Variants in CREBBP observed in about 807,000 individuals in gnomAD.
CREBBP encodes the protein CREB-binding protein.
In CREBBP, 19 loss-of-function variants were observed where a neutral mutation model predicts 265.0. That is an observed-to-expected ratio of 0.07 (90% CI 0.05 to 0.11). The LOEUF is 0.11. CREBBP is among the 10% of genes least tolerant of loss of function. CREBBP has a pLI of 1.00. For synonymous variants in CREBBP, 1,457 were observed against 1,223.7 expected, an observed-to-expected ratio of 1.19 and a Z score of -3.98; for missense variants, 2,525 against 3,219.0, an observed-to-expected ratio of 0.78 and a Z score of 5.22.
intron 1 of CREBBP, among the ~76,000 whole-genome samples, chr16:3,860,631 T>C (rs1200522957): frequency 6.6e-6 from 1 of 152,194 alleles, no homozygotes; most frequent in African/African-American, 2.4e-5. Flanking sequence ...ATGTTGTATA[T>C]GATAAATACA....
At chr16:3,859,480 C>T (rs774556673) in intron 1 of CREBBP, among the ~76,000 whole-genome samples, 2 of 152,182 alleles carry the variant, frequency 1.3e-5, no homozygotes, top group Non-Finnish European at 2.9e-5. Flanking sequence ...AGGTGTGAGC[C>T]ACCACACCCA....
At chr16:3,774,097 C>T (rs866197661) in intron 12 of CREBBP, among the ~76,000 whole-genome samples, 167 bp from the exon 13 acceptor site, 8 of 152,318 alleles carry the variant, frequency 5.3e-5, no homozygotes, top group South Asian at 2.1e-4. Flanking sequence ...TAAGAACTCC[C>T]GCGCTCCTGG....
chr16:3,731,452 G>A lies in CREBBP; in HGVS notation c.4912C>T (p.His1638Tyr), dbSNP rs778484873. Reference sequence around the variant, plus strand: ...AGGGTGTTGATGACAGGCCCAGCGTGCAGGTGGATCACGAAGAAGACCTGC... The same window carrying A: ...AGGGTGTTGATGACAGGCCCAGCGTACAGGTGGATCACGAAGAAGACCTGC... ...HKEVFFVIHL[H>Y]AGPVINTLPP... Residue 1638 changes from histidine (H) to tyrosine (Y), a missense_variant, in exon 30 of 31, where the codon CAC becomes TAC. His to Tyr is a moderately conservative substitution (Grantham distance 83). This residue lies in a region of CREBBP where 37 missense variants were observed against 34.1 expected (regional missense o/e 1.09). Coordinates refer to ENST00000262367, the MANE Select transcript of CREBBP (RefSeq NM_004380.3). This position sits in a 1 kb window ranked among gnomAD's most constrained non-coding sequence, Gnocchi z 7.7. The A allele has an allele frequency of 2.5e-6, 4 of 1,594,016 alleles. No homozygotes were observed. The South Asian group carries it at 3.4e-5, about 14-fold the overall frequency.
chr16:3,732,827 A>G (rs28435545), intron 28 of CREBBP, among the ~76,000 whole-genome samples: 2,541 of 151,954 alleles, frequency 0.017, 68 homozygotes, highest in African/African-American at 0.057. Context: ...GAACCTCCCT[A>G]GTAGCTGAGA....
At chr16:3,800,335 T>C (rs1464184607) in intron 3 of CREBBP, among the ~76,000 whole-genome samples, 1 of 152,132 alleles carries the variant, frequency 6.6e-6, no homozygotes, top group Non-Finnish European at 1.5e-5. Flanking sequence ...TTCGAGCTGG[T>C]CTTGAACTCC....
In CREBBP at chr16:3,758,860, T is replaced by C. The variant is rs1444241207; in HGVS notation, c.3363A>G (p.Gly1121=). The C allele has an allele frequency of 1.2e-6, 2 of 1,609,118 alleles. No individual in the cohort carries two copies. Among genetic ancestry groups the C allele is most frequent in the Admixed American group, 3.3e-5 (2 of 59,998 alleles). ...FRQPVDPQLL[G]IPDYFDIVKN... Reference sequence around the variant, plus strand: ...TTTTTATGAATTAACTTACTGGAATTCCGAGGAGCTGGGGATCTACAGGCT... The same window carrying C: ...TTTTTATGAATTAACTTACTGGAATCCCGAGGAGCTGGGGATCTACAGGCT... The change falls in exon 17 of 31, where the codon GGA becomes GGG. Residue 1121 remains glycine (G), a synonymous_variant. Coordinates refer to ENST00000262367, the MANE Select transcript of CREBBP (RefSeq NM_004380.3).
intron 16 of CREBBP, 159 bp downstream of exon 16, chr16:3,767,561 C>T (rs1667463501): frequency 1.2e-5 from 12 of 962,152 alleles, no homozygotes; most frequent in Non-Finnish European, 1.9e-5. Context: ...CCTGCTCAGC[C>T]TGAGTGTTTC....
At chr16:3,745,392 AACC>A (rs759020695) in intron 21 of CREBBP, 38 bp from the exon 22 acceptor site, 3 of 1,594,170 alleles carry the variant, frequency 1.9e-6, no homozygotes, top group Non-Finnish European at 2.6e-6. Context: ...AAGCACACGG[AACC>A]ACAAGACCAG....
At chr16:3,846,575 C>G (rs531769712) in intron 2 of CREBBP, among the ~76,000 whole-genome samples, 1 of 152,332 alleles carries the variant, frequency 6.6e-6, no homozygotes, top group East Asian at 1.9e-4. Flanking sequence ...CTACATGGCA[C>G]AAGTCCTTAA....
chr16:3,775,537 G>C (rs892202736), intron 11 of CREBBP, among the ~76,000 whole-genome samples: 9 of 152,208 alleles, frequency 5.9e-5, no homozygotes, highest in Admixed American at 5.9e-4. Flanking sequence ...AGGCTCAAAG[G>C]ATGACTCACG....
intron 3 of CREBBP, among the ~76,000 whole-genome samples, chr16:3,807,766 T>C (rs952416910): frequency 2.0e-5 from 3 of 152,098 alleles, no homozygotes; most frequent in Non-Finnish European, 4.4e-5. Flanking sequence ...ATGTTAAAAA[T>C]TACCTAGAAA....
At position 3,729,863 on chromosome 16, in the gene CREBBP, G is replaced by A. The variant is rs759268055; in HGVS notation, c.5184C>T (p.Leu1728=). 1.3e-5 allele frequency: 21 copies of A among 1,601,712 alleles called. No individual in the cohort carries two copies. The South Asian group carries it at 2.0e-4, about 15-fold the overall frequency. Residue 1728 remains leucine (L), a synonymous_variant, in exon 31 of 31, where the codon CTC becomes CTT. Transcript: ENST00000262367. The stretch of plus-strand genomic sequence containing the variant: ...TCTTCGTGTTATAGCAGTTGATGCA[G>A]AGGTCGTAGTCCTGCAAGCAAGGAA... ...WHCTVCEDYD[L]CINCYNTKSH... is the part of the protein sequence containing the mutation.
intron 26 of CREBBP, among the ~76,000 whole-genome samples, chr16:3,737,699 G>A (rs572764387): frequency 1.9e-4 from 28 of 150,970 alleles, no homozygotes; most frequent in Non-Finnish European, 3.4e-4. Flanking sequence ...CCTGATCTCA[G>A]GTGATCCACC....
intron 2 of CREBBP, among the ~76,000 whole-genome samples, chr16:3,825,483 T>C (rs1215973743): frequency 6.6e-6 from 1 of 152,204 alleles, no homozygotes; most frequent in East Asian, 1.9e-4. Context: ...GCATTTATAC[T>C]TGCTGGCAAG....
intron 13 of CREBBP, 103 bp from the exon 14 acceptor site, chr16:3,771,089 A>C: frequency 8.3e-7 from 1 of 1,207,852 alleles, no homozygotes. Context: ...TTTTTTTTTG[A>C]GACAGTTTCA....
At chr16:3,830,128 G>A (rs1232957486) in intron 2 of CREBBP, among the ~76,000 whole-genome samples, 6 of 152,212 alleles carry the variant, frequency 3.9e-5, no homozygotes, top group Admixed American at 3.3e-4. Context: ...TGGGTGTGGT[G>A]ACTCATGCCT....
At chr16:3,754,117 C>T (rs1044289822) in intron 19 of CREBBP, among the ~76,000 whole-genome samples, 5 of 144,692 alleles carry the variant, frequency 3.5e-5, no homozygotes, top group African/African-American at 5.8e-5. Context: ...GGATCAGAAC[C>T]GGGGAGGCAA....
rs2141202426 is a variant in CREBBP at position 3,770,811 on chromosome 16, G to A, written c.2639C>T (p.Pro880Leu). ...QHTTPPGMTP[P>L]QPAAPTQPST... Reference sequence around the variant, plus strand: ...TGGCTGAGTGGGAGCTGCTGGCTGGGGAGGAGTCATCCCAGGTGGTGTCGT... The same window carrying A: ...TGGCTGAGTGGGAGCTGCTGGCTGGAGAGGAGTCATCCCAGGTGGTGTCGT... The change falls in exon 14 of 31, where the codon CCC becomes CTC. Residue 880 changes from proline to leucine, a missense_variant. Physicochemically the swap from Pro to Leu is moderately conservative, Grantham distance 98. Coordinates refer to ENST00000262367, the MANE Select transcript of CREBBP (RefSeq NM_004380.3). 2 of 1,614,102 alleles carry A rather than the reference G, an allele frequency of 1.2e-6. No homozygotes were observed. The highest frequency in any genetic ancestry group is 8.5e-7 in the Non-Finnish European group (1 of 1,180,014).
chr16:3,761,427 G>A lies in CREBBP; in HGVS notation c.3251-2455C>T, dbSNP rs888686240. ...TCTAACTTGACAAATTCTGGAAAGC[G>A]TCATCTGATTCCTAACTGGTGAAAG... is the stretch of plus-strand genomic sequence containing the variant. On this transcript the variant is annotated intron_variant, in intron 16 of 30. Coordinates refer to ENST00000262367, the MANE Select transcript of CREBBP (RefSeq NM_004380.3). 2.4e-4 allele frequency: 111 copies of A among 454,992 alleles called. No homozygotes were observed. The Middle Eastern group carries it at 2.8e-3, about 11-fold the overall frequency. 28.2% of individuals were successfully genotyped at this position (454,992 alleles called of 1,614,324 possible). A position where few individuals can be genotyped will look rare whatever the true frequency, so the allele number is the denominator to read the frequency against.
Sources: gnomAD v4.1 joint callset for allele counts (sites outside exome capture counted in the v4.1 genomes callset) on GRCh38, gnomAD v4.1.1 for gene constraint, gnomAD v4.1.1 regional missense constraint, Gnocchi (gnomAD v3.1) non-coding constraint, MANE v1.5 for transcripts, NCBI Gene and HGNC (gene_info 2026-07-23, HGNC 2026-07-21) for gene names.